Variants in MROH7 observed in about 807,000 individuals in gnomAD.
MROH7 encodes the protein maestro heat-like repeat-containing protein family member 7.
Under a neutral mutation model 129.2 loss-of-function variants are expected in MROH7, and 113 were observed. That is an observed-to-expected ratio of 0.87 (90% CI 0.75 to 1.02). MROH7 has a LOEUF of 1.02. Among genes scored for constraint, MROH7 ranks in the 50% least tolerant of loss-of-function variants. The pLI is 0.00. For synonymous variants in MROH7, 655 were observed against 667.9 expected (o/e 0.98, Z 0.30); for missense variants, 1,601 against 1,671.3 (o/e 0.96, Z 0.73).
intron 14 of MROH7, 62 bp downstream of exon 14, chr1:54,682,856 C>CCTG: frequency 6.4e-7 from 1 of 1,570,070 alleles, no homozygotes; most frequent in African/African-American, 1.3e-5. Context: ...CTCCTTCCCT[C>CCTG]CTGCTGAGCT....
intron 3 of MROH7, among the ~76,000 whole-genome samples, chr1:54,654,895 T>C (rs1644618162): frequency 6.6e-6 from 1 of 152,212 alleles, no homozygotes; most frequent in African/African-American, 2.4e-5. Context: ...TGTCAGTTTC[T>C]GATGCTGTAA....
chr1:54,695,686 T>C (rs1645310891), intron 17 of MROH7, 196 bp downstream of exon 17: 1 of 631,384 alleles, frequency 1.6e-6, no homozygotes, highest in Admixed American at 2.2e-5. Flanking sequence ...TCCATTCCAC[T>C]CTTAACCAGA....
intron 8 of MROH7, 40 bp downstream of exon 8, chr1:54,673,226 G>T: frequency 6.7e-7 from 1 of 1,499,982 alleles, no homozygotes; most frequent in Non-Finnish European, 9.2e-7. Flanking sequence ...GGGGAGGAAG[G>T]GTGGAGGGAA....
intron 17 of MROH7, chr1:54,695,745 T>A (rs2101187893): frequency 1.9e-6 from 1 of 521,294 alleles, no homozygotes. Context: ...CACCTCTGTG[T>A]GTCAGGCACG....
At chr1:54,697,446 A>C (rs1361696158) in intron 17 of MROH7, 1 of 471,984 alleles carries the variant, frequency 2.1e-6, no homozygotes, top group Non-Finnish European at 3.8e-6. Flanking sequence ...GCAGGTCACC[A>C]GCAGAATGTG....
intron 1 of MROH7, among the ~76,000 whole-genome samples, chr1:54,645,867 G>A (rs993153182): frequency 2.4e-4 from 36 of 151,980 alleles, no homozygotes; most frequent in African/African-American, 8.0e-4. Context: ...TGCCCAGGCT[G>A]GTCTTGAACT....
At position 54,703,305 on chromosome 1, in the gene MROH7, A is replaced by G. The variant is rs982188424; in HGVS notation, c.3564+560A>G. Among the ~76,000 whole-genome samples, 2 of 152,180 alleles carry G rather than the reference A, an allele frequency of 1.3e-5. No homozygotes were observed. Among genetic ancestry groups the G allele is most frequent in the East Asian group, 1.9e-4 (1 of 5,188 alleles). On this transcript the variant is annotated intron_variant, in intron 21 of 23. Transcript: ENST00000421030. This position sits in a 1 kb window ranked among gnomAD's most constrained non-coding sequence, Gnocchi z 4.4. The stretch of plus-strand genomic sequence containing the variant: ...TCTTGTTAAAACACAGCCTGCTTGT[A>G]TTAGATCCCTGCCTCAAGGGCCACA...
intron 16 of MROH7, 71 bp from the exon 17 acceptor site, chr1:54,695,305 A>C: frequency 1.2e-6 from 1 of 801,540 alleles, no homozygotes; most frequent in Non-Finnish European, 2.1e-6. Context: ...CCAGTGTCAC[A>C]AGCAAATCCC....
In MROH7 at chr1:54,693,101, G is replaced by A. The variant is rs577874270; in HGVS notation, c.2849+540G>A. Among the ~76,000 whole-genome samples the A allele has an allele frequency of 3.8e-4, 58 of 152,348 alleles. 1 individual carries two copies. In the South Asian group the frequency reaches 0.012, roughly 32 times the overall value. On this transcript the variant is annotated intron_variant, in intron 16 of 23. Transcript: ENST00000421030. Reference sequence around the variant, plus strand: ...AATCCCAGTGCTTTGGGTGTTTGAGGCGGGTGGATCATCTGAGGTTAGGAG... The same window carrying A: ...AATCCCAGTGCTTTGGGTGTTTGAGACGGGTGGATCATCTGAGGTTAGGAG...
In MROH7 at chr1:54,679,375, A is replaced by C. The variant is rs201599846; in HGVS notation, c.2162A>C (p.Gln721Pro). Residue 721 changes from glutamine to proline, a missense_variant, in exon 12 of 24, where the codon CAG becomes CCG. Transcript: ENST00000421030. ...GGGAAGGACTCCAGGGAGATGATGC[A>C]GCTGGCCTCGGAGGTCATGCTCAGC... ...APGKDSREMM[Q>P]LASEVMLSSV... 6.2e-6 allele frequency: 10 copies of C among 1,614,000 alleles called. No individual in the cohort carries two copies. Among genetic ancestry groups the C allele is most frequent in the Non-Finnish European group, 7.6e-6 (9 of 1,180,042 alleles).
intron 1 of MROH7, among the ~76,000 whole-genome samples, chr1:54,649,445 G>A (rs1420623555): frequency 1.3e-5 from 2 of 152,254 alleles, no homozygotes; most frequent in East Asian, 1.9e-4. Context: ...AATGCACAGT[G>A]TCTGTTTGGT....
chr1:54,682,946 G>T, intron 14 of MROH7, 152 bp downstream of exon 14: 1 of 822,764 alleles, frequency 1.2e-6, no homozygotes, highest in Non-Finnish European at 1.8e-6. Context: ...TCTGGCTCTT[G>T]TCTGTGGTTC....
intron 3 of MROH7, among the ~76,000 whole-genome samples, chr1:54,659,880 A>G (rs1053182486): frequency 6.6e-6 from 1 of 152,148 alleles, no homozygotes; most frequent in Non-Finnish European, 1.5e-5. Flanking sequence ...GATATACCAC[A>G]GTTTGTTTAT....
intron 19 of MROH7, 27 bp from the exon 20 acceptor site, chr1:54,702,063 C>A: frequency 1.9e-6 from 3 of 1,539,388 alleles, no homozygotes; most frequent in Non-Finnish European, 2.6e-6. Context: ...GAGGAGGGAC[C>A]CCCTCTGAGC....
At chr1:54,661,557 G>A (rs1222340840) in intron 3 of MROH7, among the ~76,000 whole-genome samples, 1 of 150,622 alleles carries the variant, frequency 6.6e-6, no homozygotes, top group Admixed American at 6.7e-5. Flanking sequence ...TGGTCATATA[G>A]TAGGTACTTA....
At chr1:54,686,591 T>C in intron 15 of MROH7, 143 bp downstream of exon 15, 1 of 711,296 alleles carries the variant, frequency 1.4e-6, no homozygotes, top group Admixed American at 2.8e-5. Context: ...ACAATTTTAT[T>C]AGAGCCAATA....
chr1:54,706,213 G>A (rs892397407), intron 21 of MROH7, among the ~76,000 whole-genome samples: 1 of 152,042 alleles, frequency 6.6e-6, no homozygotes, highest in Admixed American at 6.6e-5. Flanking sequence ...GCAGCAGGGG[G>A]GTAAATTGGA....
intron 3 of MROH7, among the ~76,000 whole-genome samples, chr1:54,657,516 C>T (rs1194465463): frequency 6.6e-6 from 1 of 151,914 alleles, no homozygotes. Context: ...ATAGCTACGA[C>T]TGTAGGCACA....
intron 13 of MROH7, among the ~76,000 whole-genome samples, chr1:54,680,789 A>G (rs1645057154): frequency 6.6e-6 from 1 of 152,194 alleles, no homozygotes; most frequent in African/African-American, 2.4e-5. Flanking sequence ...GAGCCAAAGA[A>G]CTGTGCAGAG....
Sources: gnomAD v4.1 joint callset for allele counts (sites outside exome capture counted in the v4.1 genomes callset) on GRCh38, gnomAD v4.1.1 for gene constraint, Gnocchi (gnomAD v3.1) non-coding constraint, MANE v1.5 for transcripts, NCBI Gene and HGNC (gene_info 2026-07-23, HGNC 2026-07-21) for gene names.